Variants in OR1F1 observed in about 807,000 individuals in gnomAD.
OR1F1 encodes the protein olfactory receptor 1F1.
For missense variants in OR1F1, 493 were observed against 376.3 expected, an observed-to-expected ratio of 1.31 and a Z score of -2.57; for synonymous variants, 184 against 156.7, an observed-to-expected ratio of 1.17 and a Z score of -1.30.
chr16:3,204,642 C>T (rs780816277), exon 1 of OR1F1: 9 of 1,614,162 alleles, frequency 5.6e-6, no homozygotes, highest in African/African-American at 5.3e-5. Flanking sequence ...CCTTACATTA[C>T]ACAGCAAAGA....
At chr16:3,194,537 G>A in the OR1F1 span, among the ~76,000 whole-genome samples, 2 of 152,146 alleles carry the variant, frequency 1.3e-5, no homozygotes, top group Admixed American at 6.5e-5. Flanking sequence ...TATCCCCCAC[G>A]GGAGAGATGT....
At chr16:3,196,912 T>A in the OR1F1 span, among the ~76,000 whole-genome samples, 1 of 152,002 alleles carries the variant, frequency 6.6e-6, no homozygotes, top group Non-Finnish European at 1.5e-5. Context: ...AGTCTCACTC[T>A]GTTGACCAGG....
chr16:3,205,216 A>G (rs753060701), downstream of OR1F1: 4 of 1,522,300 alleles, frequency 2.6e-6, no homozygotes, highest in East Asian at 6.8e-5. Flanking sequence ...CTCATTCCCA[A>G]GGAAATTTAT....
the OR1F1 span, among the ~76,000 whole-genome samples, chr16:3,197,106 CCTCAGGTGATCCG>C: frequency 6.6e-6 from 1 of 151,994 alleles, no homozygotes; most frequent in Admixed American, 6.6e-5. Flanking sequence ...GAACTCCTGA[CCTCAGGTGATCCG>C]CTCTCCTCAG....
At chr16:3,204,774 C>T (rs749521524) in exon 1 of OR1F1, 1 of 1,614,096 alleles carries the variant, frequency 6.2e-7, no homozygotes, top group South Asian at 1.1e-5. Flanking sequence ...CCATCACTCA[C>T]TTCTTCTGCG....
the OR1F1 span, among the ~76,000 whole-genome samples, chr16:3,196,300 G>T: frequency 1.3e-5 from 2 of 152,242 alleles, no homozygotes; most frequent in African/African-American, 4.8e-5. Flanking sequence ...TCTTTGCCCA[G>T]TGAAAGTTTT....
upstream of OR1F1, among the ~76,000 whole-genome samples, chr16:3,202,440 G>A (rs1021138067): frequency 6.6e-6 from 1 of 152,222 alleles, no homozygotes; most frequent in Non-Finnish European, 1.5e-5. Context: ...AGGCTGATAT[G>A]AGTTGGTTTT....
the OR1F1 span, among the ~76,000 whole-genome samples, chr16:3,192,060 C>G: frequency 1.3e-5 from 2 of 152,046 alleles, no homozygotes; most frequent in African/African-American, 4.8e-5. Context: ...CGGACGAGCC[C>G]CTCTTCTTAT....
upstream of OR1F1, among the ~76,000 whole-genome samples, chr16:3,203,792 G>T (rs934642767): frequency 2.0e-5 from 3 of 152,134 alleles, no homozygotes; most frequent in African/African-American, 7.2e-5. Flanking sequence ...TCACATCAGT[G>T]GGACTTCACT....
the OR1F1 span, among the ~76,000 whole-genome samples, chr16:3,193,747 G>A: frequency 2.0e-5 from 3 of 152,272 alleles, no homozygotes; most frequent in East Asian, 1.9e-4. Context: ...ACAGGCGAGC[G>A]CAACCACAAC....
the OR1F1 span, among the ~76,000 whole-genome samples, chr16:3,196,284 C>G: frequency 1.3e-5 from 2 of 152,214 alleles, no homozygotes; most frequent in Non-Finnish European, 2.9e-5. Flanking sequence ...ATGGAGTACT[C>G]TCAGGTCTTT....
the OR1F1 span, among the ~76,000 whole-genome samples, chr16:3,198,323 T>C: frequency 3.3e-5 from 5 of 151,388 alleles, no homozygotes; most frequent in Non-Finnish European, 5.9e-5. Flanking sequence ...GAAGAGCGGG[T>C]GTTTTCATGG....
At chr16:3,194,572 G>T in the OR1F1 span, among the ~76,000 whole-genome samples, 1 of 152,180 alleles carries the variant, frequency 6.6e-6, no homozygotes, top group Non-Finnish European at 1.5e-5. Context: ...AACAAGCAGC[G>T]ACTCTGAGGC....
At chr16:3,203,466 G>C (rs1251939812), upstream of OR1F1, among the ~76,000 whole-genome samples, 2 of 152,174 alleles carry the variant, frequency 1.3e-5, no homozygotes, top group Admixed American at 1.3e-4. Flanking sequence ...GCTCTTTCTG[G>C]GTAAGAGTCA....
chr16:3,189,693 C>T, the OR1F1 span: 1 of 151,802 alleles, frequency 6.6e-6, no homozygotes, highest in Admixed American at 6.7e-5. Flanking sequence ...GGGTTCAAAT[C>T]CCGGACGAGC....
the OR1F1 span, among the ~76,000 whole-genome samples, chr16:3,192,036 C>T: frequency 3.9e-5 from 6 of 152,178 alleles, no homozygotes; most frequent in South Asian, 4.2e-4. Flanking sequence ...GCGAGAGGTC[C>T]CGGGTTCAAA....
the OR1F1 span, among the ~76,000 whole-genome samples, chr16:3,193,604 C>T: frequency 8.7e-3 from 1,316 of 152,130 alleles, 19 homozygotes; most frequent in African/African-American, 0.029. Context: ...TGGGCTAAGA[C>T]TATTTTTTTT....
chr16:3,193,785 C>T, the OR1F1 span, among the ~76,000 whole-genome samples: 5 of 152,116 alleles, frequency 3.3e-5, no homozygotes, highest in African/African-American at 1.2e-4. Flanking sequence ...TTTGTAGAGA[C>T]GGGGTCTCGC....
At chr16:3,200,560 T>G (rs1958124919), upstream of OR1F1, among the ~76,000 whole-genome samples, 1 of 152,248 alleles carries the variant, frequency 6.6e-6, no homozygotes, top group Non-Finnish European at 1.5e-5. Flanking sequence ...ATTGCGCCAC[T>G]GCGCTCTAGC....
Sources: gnomAD v4.1 joint callset for allele counts (sites outside exome capture counted in the v4.1 genomes callset) on GRCh38, gnomAD v4.1.1 for gene constraint, MANE v1.5 for transcripts, NCBI Gene and HGNC (gene_info 2026-07-23, HGNC 2026-07-21) for gene names.